The following HSD17B12 variants were observed in gnomAD, a reference collection of about 807,000 sequenced individuals.
HSD17B12 encodes hydroxysteroid 17-beta dehydrogenase 12.
A neutral mutation model predicts 39.3 loss-of-function variants in HSD17B12; 32 were observed. The ratio of observed to expected loss-of-function variants is 0.81; its 90% CI spans 0.61 to 1.09. The LOEUF is 1.09. HSD17B12 is among the 50% of genes least tolerant of loss of function. HSD17B12 has a pLI of 0.00. For missense variants in HSD17B12, 342 were observed against 382.9 expected (o/e 0.89, Z 0.89); for synonymous variants, 150 against 146.7 (o/e 1.02, Z -0.16).
intron 3 of HSD17B12, among the ~76,000 whole-genome samples, chr11:43,777,514 A>G (rs1359415097): frequency 3.9e-5 from 6 of 152,104 alleles, no homozygotes; most frequent in South Asian, 4.1e-4. Flanking sequence ...GGGCTGAGAC[A>G]ATGGGGTTTT....
chr11:43,732,374 C>T (rs180773526), intron 1 of HSD17B12, among the ~76,000 whole-genome samples: 142 of 152,182 alleles, frequency 9.3e-4, no homozygotes, highest in Non-Finnish European at 2.2e-4. Context: ...CATGGTTGGT[C>T]TCTTATCAGG....
In HSD17B12 at chr11:43,800,004, G is replaced by A. The variant is rs562332793; in HGVS notation, c.391+1577G>A. 4.6e-5 allele frequency among the ~76,000 whole-genome samples: 7 copies of A among 152,260 alleles called. No individual in the cohort carries two copies. In the South Asian group the frequency reaches 1.2e-3, roughly 27 times the overall value. Reference sequence around the variant, plus strand: ...AAACACAGGTCTGGTTTTTGCCTTTGTGTTTGCATGTTCTTAAATATATGT... The same window carrying A: ...AAACACAGGTCTGGTTTTTGCCTTTATGTTTGCATGTTCTTAAATATATGT... On this transcript the variant is annotated intron_variant, in intron 4 of 10. Transcript: ENST00000278353.
the HSD17B12 span, among the ~76,000 whole-genome samples, chr11:43,604,165 G>A: frequency 6.6e-6 from 1 of 152,006 alleles, no homozygotes; most frequent in African/African-American, 2.4e-5. Flanking sequence ...TGAACAAAAT[G>A]TATTCTTTAA....
the HSD17B12 span, chr11:43,673,243 C>G: frequency 2.0e-5 from 3 of 152,130 alleles, no homozygotes; most frequent in African/African-American, 7.2e-5. Context: ...TGATCTGAAA[C>G]TCAATTTACA....
At chr11:43,590,839 G>C in the HSD17B12 span, among the ~76,000 whole-genome samples, 1 of 143,344 alleles carries the variant, frequency 7.0e-6, no homozygotes, top group Non-Finnish European at 1.5e-5. Flanking sequence ...TAAATCTGTG[G>C]CCAAGAGCAC....
intron 1 of HSD17B12, among the ~76,000 whole-genome samples, chr11:43,728,179 C>A (rs1950238000): frequency 6.6e-6 from 1 of 152,076 alleles, no homozygotes; most frequent in Admixed American, 6.6e-5. Context: ...GATTCTCCTG[C>A]CTCACCCTCC....
At chr11:43,695,401 A>C (rs1949901617) in intron 1 of HSD17B12, among the ~76,000 whole-genome samples, 1 of 152,142 alleles carries the variant, frequency 6.6e-6, no homozygotes, top group Non-Finnish European at 1.5e-5. Flanking sequence ...CAACACGGTG[A>C]AAACCGGTCT....
the HSD17B12 span, chr11:43,581,557 C>A: frequency 2.4e-6 from 1 of 424,442 alleles, no homozygotes. The surrounding 1 kb of genome is among the most constrained non-coding windows in gnomAD (Gnocchi z 4.9). Context: ...CCATCCGAGC[C>A]TTACCCGGCC....
At chr11:43,834,475 T>A (rs1951348189) in intron 7 of HSD17B12, among the ~76,000 whole-genome samples, 1 of 151,878 alleles carries the variant, frequency 6.6e-6, no homozygotes, top group Non-Finnish European at 1.5e-5. Flanking sequence ...TAGCAGCAGG[T>A]CTCTCTTCCC....
Position 43,831,340 on chromosome 11 carries a change from A to G in HSD17B12, c.536+330A>G. The G allele has an allele frequency of 5.8e-6, 1 of 173,550 alleles. No individual in the cohort carries two copies. The highest frequency in any genetic ancestry group is 1.2e-5 in the Non-Finnish European group (1 of 82,312). The allele number at this position is 173,550 out of a possible 1,614,324, so 10.8% of individuals were successfully genotyped here. ...GAGTTCCTGGGATATTCCCGGGAAT[A>G]CCTTCTTAAAGCTGTATTCTCTCAA... On this transcript the variant is annotated intron_variant, in intron 7 of 10. Transcript: ENST00000278353. The surrounding 1 kb of genome is among the most constrained non-coding windows in gnomAD (Gnocchi z 4.1).
chr11:43,562,019 C>T, the HSD17B12 span, among the ~76,000 whole-genome samples: 1 of 152,140 alleles, frequency 6.6e-6, no homozygotes, highest in Admixed American at 6.5e-5. Context: ...TGGATGTATG[C>T]TCTTGGGCAA....
At chr11:43,752,343 A>C (rs1167873073) in intron 2 of HSD17B12, among the ~76,000 whole-genome samples, 1 of 152,164 alleles carries the variant, frequency 6.6e-6, no homozygotes, top group Non-Finnish European at 1.5e-5. Flanking sequence ...ATTATTTCCC[A>C]AAAATCTTTT....
At chr11:43,616,435 A>C in the HSD17B12 span, among the ~76,000 whole-genome samples, 5 of 150,724 alleles carry the variant, frequency 3.3e-5, no homozygotes, top group African/African-American at 9.7e-5. Flanking sequence ...CAAAAAAAAA[A>C]CAAACAAACT....
chr11:43,670,864 G>T, the HSD17B12 span, among the ~76,000 whole-genome samples: 1 of 152,212 alleles, frequency 6.6e-6, no homozygotes, highest in East Asian at 1.9e-4. Context: ...CAGCCTGGGT[G>T]ACAGAGCAAG....
the HSD17B12 span, among the ~76,000 whole-genome samples, chr11:43,660,858 C>T: frequency 6.6e-6 from 1 of 152,202 alleles, no homozygotes; most frequent in Non-Finnish European, 1.5e-5. Flanking sequence ...GGTTCTCTGG[C>T]TTATGCCTGT....
upstream of HSD17B12, among the ~76,000 whole-genome samples, chr11:43,676,910 G>A (rs979083351): frequency 1.3e-5 from 2 of 152,146 alleles, no homozygotes; most frequent in Non-Finnish European, 2.9e-5. Flanking sequence ...GTGCCTTGTT[G>A]GTGAGCAATG....
chr11:43,733,854 T>C, intron 1 of HSD17B12: 1 of 679,898 alleles, frequency 1.5e-6, no homozygotes, highest in Middle Eastern at 2.5e-4. Flanking sequence ...ATGTGGATGC[T>C]GGGCACAGAG....
At chr11:43,681,834 C>CTTTTTTTT (rs74652658) in intron 1 of HSD17B12, among the ~76,000 whole-genome samples, 1 of 142,236 alleles carries the variant, frequency 7.0e-6, no homozygotes, top group African/African-American at 2.7e-5. Flanking sequence ...TCCCCCCCCC[C>CTTTTTTTT]TTTTTTTTTT....
At chr11:43,812,809 T>A (rs901516830) in intron 4 of HSD17B12, among the ~76,000 whole-genome samples, 1 of 152,186 alleles carries the variant, frequency 6.6e-6, no homozygotes, top group Admixed American at 6.5e-5. Context: ...CTTTGCTCAA[T>A]TATCAGAGAC....
Sources: allele counts gnomAD v4.1 joint callset (sites outside exome capture counted in the v4.1 genomes callset), GRCh38; gene constraint gnomAD v4.1.1; non-coding constraint Gnocchi (gnomAD v3.1); transcripts MANE v1.5; gene names NCBI Gene and HGNC (gene_info 2026-07-23, HGNC 2026-07-21).